Variants in PALLD observed in about 807,000 individuals in gnomAD.
PALLD encodes palladin.
Under a neutral mutation model 123.5 loss-of-function variants are expected in PALLD, and 61 were observed. That is an observed-to-expected ratio of 0.49 (90% CI 0.40 to 0.61). PALLD has a LOEUF of 0.61. Ranked by LOEUF, PALLD falls within the 20% of genes least tolerant of loss-of-function variation. The pLI is 0.00. For missense variants in PALLD, 1,273 were observed against 1,377.0 expected, an observed-to-expected ratio of 0.92 and a Z score of 1.20; for synonymous variants, 465 against 496.4, an observed-to-expected ratio of 0.94 and a Z score of 0.84.
At chr4:168,874,710 G>A (rs1279997984) in intron 10 of PALLD, among the ~76,000 whole-genome samples, 1 of 151,934 alleles carries the variant, frequency 6.6e-6, no homozygotes, top group African/African-American at 2.4e-5. Flanking sequence ...GCCTGAAGTA[G>A]TGTAAAGAGC....
At chr4:168,661,419 AATTG>A (rs967542865) in intron 2 of PALLD, among the ~76,000 whole-genome samples, 3 of 152,338 alleles carry the variant, frequency 2.0e-5, no homozygotes, top group Non-Finnish European at 2.9e-5. Flanking sequence ...ATGAATGAAT[AATTG>A]ATTGATGAAT....
chr4:168,641,583 C>T (rs1029524986), intron 2 of PALLD, among the ~76,000 whole-genome samples: 1 of 152,180 alleles, frequency 6.6e-6, no homozygotes, highest in Non-Finnish European at 1.5e-5. Flanking sequence ...ACGCATTGAA[C>T]TCCTCTCTTT....
chr4:168,690,184 CTCT>C (rs1295977250), intron 6 of PALLD, among the ~76,000 whole-genome samples: 5 of 152,170 alleles, frequency 3.3e-5, no homozygotes, highest in Non-Finnish European at 7.4e-5. Context: ...TGTCTTTTTT[CTCT>C]TCTTGTCTGG....
chr4:168,740,589 C>T (rs1292783310), intron 10 of PALLD, among the ~76,000 whole-genome samples: 1 of 152,030 alleles, frequency 6.6e-6, no homozygotes, highest in African/African-American at 2.4e-5. Context: ...CAGAAAGAAC[C>T]ATTAAAAATT....
intron 10 of PALLD, among the ~76,000 whole-genome samples, chr4:168,848,429 G>A (rs77449964): frequency 0.018 from 2,713 of 152,168 alleles, 76 homozygotes; most frequent in African/African-American, 0.062. Flanking sequence ...AGAGTGTGCC[G>A]AATGCACTGG....
At chr4:168,615,007 C>T (rs1048292481) in intron 2 of PALLD, among the ~76,000 whole-genome samples, 4 of 152,072 alleles carry the variant, frequency 2.6e-5, no homozygotes, top group Non-Finnish European at 4.4e-5. Flanking sequence ...CCAATAAGCC[C>T]CAGTGCATGG....
At chr4:168,561,447 A>AT (rs202075708) in intron 2 of PALLD, among the ~76,000 whole-genome samples, 64 of 151,246 alleles carry the variant, frequency 4.2e-4, no homozygotes, top group African/African-American at 1.4e-3. Flanking sequence ...TAATTTTTAA[A>AT]TTTTTTTTTG....
intron 10 of PALLD, among the ~76,000 whole-genome samples, chr4:168,742,147 T>G (rs186208347): frequency 1.3e-5 from 2 of 152,336 alleles, no homozygotes; most frequent in East Asian, 3.9e-4. Context: ...TGGATTTTTC[T>G]ACTTAGAGGG....
chr4:168,565,075 C>A (rs1033194928), intron 2 of PALLD, among the ~76,000 whole-genome samples: 1 of 151,628 alleles, frequency 6.6e-6, no homozygotes, highest in Non-Finnish European at 1.5e-5. Flanking sequence ...TGCCTGTAGT[C>A]CCAGCTACTC....
At chr4:168,872,178 A>G (rs1054884477) in intron 10 of PALLD, among the ~76,000 whole-genome samples, 1 of 152,140 alleles carries the variant, frequency 6.6e-6, no homozygotes, top group East Asian at 1.9e-4. Context: ...CTCTCTCTCT[A>G]TCGGTACGTG....
chr4:168,832,769 C>G (rs1744468890), intron 10 of PALLD: 1 of 152,298 alleles, frequency 6.6e-6, no homozygotes, highest in African/African-American at 2.4e-5. Context: ...TTGCGCGTAA[C>G]TCGGGGCGTC....
At chr4:168,730,556 C>T (rs890575077) in intron 10 of PALLD, among the ~76,000 whole-genome samples, 7 of 152,052 alleles carry the variant, frequency 4.6e-5, no homozygotes, top group South Asian at 4.2e-4. Flanking sequence ...ACATGGAAAG[C>T]GTGATCTTTG....
intron 2 of PALLD, among the ~76,000 whole-genome samples, chr4:168,560,590 G>A (rs1767765934): frequency 6.6e-6 from 1 of 152,194 alleles, no homozygotes; most frequent in Non-Finnish European, 1.5e-5. Flanking sequence ...AATGATTTAA[G>A]TGATTCATAG....
intron 10 of PALLD, among the ~76,000 whole-genome samples, chr4:168,814,579 G>A (rs1360850619): frequency 6.6e-6 from 1 of 152,202 alleles, no homozygotes; most frequent in Non-Finnish European, 1.5e-5. Context: ...TAACTGCGTT[G>A]CAGCAAAAAC....
chr4:168,867,446 A>G (rs1750459823), intron 10 of PALLD, among the ~76,000 whole-genome samples: 1 of 152,178 alleles, frequency 6.6e-6, no homozygotes, highest in South Asian at 2.1e-4. Flanking sequence ...TTAAGTTACA[A>G]ACTTATGGAG....
chr4:168,686,179 C>T (rs1352747817), intron 6 of PALLD, among the ~76,000 whole-genome samples: 1 of 152,096 alleles, frequency 6.6e-6, no homozygotes, highest in Non-Finnish European at 1.5e-5. Flanking sequence ...GGCTAAAATT[C>T]TAGCAGCTTC....
chr4:168,554,524 A>C (rs1002301937), intron 2 of PALLD, among the ~76,000 whole-genome samples: 4 of 152,248 alleles, frequency 2.6e-5, no homozygotes, highest in Non-Finnish European at 4.4e-5. Context: ...GTCTCACAGC[A>C]ATGCATGTTA....
Position 168,869,578 on chromosome 4 carries a change from T to A in PALLD, c.1965-21344T>A, listed in dbSNP as rs893561044. ...AAATGGGTTTGGGGAACAATAAGAG[T>A]AACAAACTTAGAAGAATGAAAAGGT... On this transcript the variant is annotated intron_variant, in intron 10 of 21. Transcript: ENST00000505667. The surrounding 1 kb of genome is among the most constrained non-coding windows in gnomAD (Gnocchi z 4.5). Among the ~76,000 whole-genome samples, 2 of 151,928 alleles carry A rather than the reference T, an allele frequency of 1.3e-5. No homozygotes were observed. The highest frequency in any genetic ancestry group is 4.8e-5 in the African/African-American group (2 of 41,352).
intron 10 of PALLD, among the ~76,000 whole-genome samples, chr4:168,744,344 C>G (rs1455560797): frequency 1.3e-5 from 2 of 152,178 alleles, no homozygotes; most frequent in Non-Finnish European, 2.9e-5. Context: ...TAAAGTATCT[C>G]TGTTGGGCCA....
Sources: gnomAD v4.1 joint callset for allele counts (sites outside exome capture counted in the v4.1 genomes callset) on GRCh38, gnomAD v4.1.1 for gene constraint, Gnocchi (gnomAD v3.1) non-coding constraint, MANE v1.5 for transcripts, NCBI Gene and HGNC (gene_info 2026-07-23, HGNC 2026-07-21) for gene names.